STPG2: variants seen among roughly 807,000 people sequenced by gnomAD.
The protein encoded by STPG2 is sperm tail PG-rich repeat containing 2, also known as sperm-tail PG-rich repeat-containing protein 2.
In STPG2, 56 loss-of-function variants were observed where a neutral mutation model predicts 54.2. The observed-to-expected ratio is 1.03, with a 90% CI of 0.83 to 1.29. The LOEUF is 1.29. Among genes scored for constraint, STPG2 ranks in the 50% most tolerant of loss-of-function variants. The pLI is 0.00. For missense variants in STPG2, 596 were observed against 544.9 expected (o/e 1.09, Z -0.93); for synonymous variants, 200 against 181.8 (o/e 1.10, Z -0.81).
chr4:97,897,176 GCAATA>G, intron 8 of STPG2, among the ~76,000 whole-genome samples: 1 of 151,990 alleles, frequency 6.6e-6, no homozygotes, highest in African/African-American at 2.4e-5. Flanking sequence ...TTCTGTTCCT[GCAATA>G]GTTTGCTAAG....
chr4:97,531,727 G>A (rs922996382), intron 4 of STPG2, among the ~76,000 whole-genome samples: 1 of 152,180 alleles, frequency 6.6e-6, no homozygotes, highest in African/African-American at 2.4e-5. Context: ...GTAATGGGGG[G>A]ATTGGAGGAT....
At chr4:97,483,673 T>C (rs944588829) in intron 4 of STPG2, among the ~76,000 whole-genome samples, 3 of 151,498 alleles carry the variant, frequency 2.0e-5, no homozygotes, top group African/African-American at 4.8e-5. Flanking sequence ...CATGAAGACA[T>C]ACAGTCAACA....
intron 9 of STPG2, among the ~76,000 whole-genome samples, chr4:97,769,616 A>G (rs1000477525): frequency 1.3e-5 from 2 of 152,188 alleles, no homozygotes; most frequent in African/African-American, 2.4e-5. Flanking sequence ...TCACAAAAAA[A>G]GTTATTAAAA....
intron 10 of STPG2, among the ~76,000 whole-genome samples, chr4:97,609,301 T>A (rs1733676965): frequency 6.6e-6 from 1 of 152,000 alleles, no homozygotes; most frequent in Admixed American, 6.6e-5. Flanking sequence ...GTAGATAGTA[T>A]TCCCACTATG....
chr4:97,796,904 C>T (rs1398186538), intron 9 of STPG2, among the ~76,000 whole-genome samples: 4 of 152,038 alleles, frequency 2.6e-5, no homozygotes, highest in African/African-American at 4.8e-5. Flanking sequence ...TTGAAGAGGT[C>T]CTTCACATCC....
chr4:97,504,083 A>AT (rs979341173), intron 4 of STPG2, among the ~76,000 whole-genome samples: 1 of 142,018 alleles, frequency 7.0e-6, no homozygotes, highest in African/African-American at 2.5e-5. Flanking sequence ...TTAAATATTT[A>AT]TTTTATTTAA....
intron 8 of STPG2, among the ~76,000 whole-genome samples, chr4:97,847,609 C>T (rs191057840): frequency 6.6e-6 from 1 of 152,108 alleles, no homozygotes; most frequent in Non-Finnish European, 1.5e-5. Flanking sequence ...ACACAACAGA[C>T]TTAACCTAAT....
chr4:97,553,976 T>TC (rs1732022770), downstream of STPG2, among the ~76,000 whole-genome samples: 1 of 152,218 alleles, frequency 6.6e-6, no homozygotes, highest in South Asian at 2.1e-4. Flanking sequence ...AGTTCAAACT[T>TC]CAACTCTTTA....
At chr4:97,560,819 AG>A (rs1732211357) in intron 10 of STPG2, among the ~76,000 whole-genome samples, 1 of 152,142 alleles carries the variant, frequency 6.6e-6, no homozygotes, top group Non-Finnish European at 1.5e-5. Flanking sequence ...AGTAAAATTG[AG>A]GGGAGGGGGG....
intron 10 of STPG2, among the ~76,000 whole-genome samples, chr4:97,567,039 A>AAAAT (rs1053382553): frequency 2.6e-5 from 4 of 152,032 alleles, no homozygotes; most frequent in South Asian, 2.1e-4. Flanking sequence ...TAATAATAAT[A>AAAAT]AAATAAATAA....
At chr4:97,497,302 A>G (rs1263896676) in intron 4 of STPG2, among the ~76,000 whole-genome samples, 1 of 151,758 alleles carries the variant, frequency 6.6e-6, no homozygotes, top group Non-Finnish European at 1.5e-5. Flanking sequence ...TTTCACTATA[A>G]TGTGTAAGGG....
chr4:97,751,219 T>C (rs1725572225), intron 9 of STPG2, among the ~76,000 whole-genome samples: 1 of 151,866 alleles, frequency 6.6e-6, no homozygotes, highest in South Asian at 2.1e-4. Context: ...CCTGGAACAT[T>C]GTGCCTAGTT....
At chr4:97,882,691 C>T (rs1014403549) in intron 8 of STPG2, among the ~76,000 whole-genome samples, 1 of 151,994 alleles carries the variant, frequency 6.6e-6, no homozygotes, top group African/African-American at 2.4e-5. Context: ...TGAACAGCCA[C>T]CCAAAACATA....
At chr4:97,814,492 G>C (rs1227522415) in intron 9 of STPG2, among the ~76,000 whole-genome samples, 1 of 151,972 alleles carries the variant, frequency 6.6e-6, no homozygotes, top group African/African-American at 2.4e-5. Context: ...CCACACCTGG[G>C]TAATTTTTTT....
At chr4:97,568,974 G>C (rs2148882016) in intron 10 of STPG2, among the ~76,000 whole-genome samples, 1 of 151,906 alleles carries the variant, frequency 6.6e-6, no homozygotes, top group East Asian at 1.9e-4. Flanking sequence ...CCCAAAAAAG[G>C]GTTCTTGGGC....
intron 8 of STPG2, among the ~76,000 whole-genome samples, chr4:97,876,983 A>T (rs6827701): frequency 6.6e-6 from 1 of 152,098 alleles, no homozygotes; most frequent in Non-Finnish European, 1.5e-5. Flanking sequence ...AATAATAATT[A>T]TGTATATTTA....
chr4:98,031,748 G>A (rs894445972), intron 5 of STPG2, among the ~76,000 whole-genome samples: 31 of 152,030 alleles, frequency 2.0e-4, no homozygotes, highest in African/African-American at 7.5e-4. Flanking sequence ...CTTTTGTGTG[G>A]CAAAAGGAAC....
intron 10 of STPG2, among the ~76,000 whole-genome samples, chr4:97,638,648 G>GA (rs1304480127): frequency 1.4e-3 from 196 of 140,538 alleles, no homozygotes; most frequent in African/African-American, 5.2e-3. Context: ...AAATTTACAA[G>GA]AAAAAAACAA....
intron 9 of STPG2, among the ~76,000 whole-genome samples, chr4:97,839,939 C>A (rs924415916): frequency 2.0e-5 from 3 of 151,464 alleles, no homozygotes; most frequent in Admixed American, 2.0e-4. Flanking sequence ...AGTGGGAATA[C>A]ACCTGTAATT....
Sources: gnomAD v4.1 joint callset for allele counts (sites outside exome capture counted in the v4.1 genomes callset) on GRCh38, gnomAD v4.1.1 for gene constraint, MANE v1.5 for transcripts, NCBI Gene and HGNC (gene_info 2026-07-23, HGNC 2026-07-21) for gene names.